Variants in WDR48 observed in about 807,000 individuals in gnomAD.
WDR48 encodes the protein WD repeat domain 48.
Under a neutral mutation model 94.0 loss-of-function variants are expected in WDR48, and 22 were observed. That is an observed-to-expected ratio of 0.23 (90% CI 0.17 to 0.33). The LOEUF (loss-of-function observed/expected upper bound fraction) is 0.33, where lower values mean the gene tolerates loss of function less well. Among genes scored for constraint, WDR48 ranks in the 10% least tolerant of loss-of-function variants. The probability of loss-of-function intolerance (pLI) is 1.00; values close to 1 mark genes in which losing one functional copy is unlikely to be tolerated. For missense variants in WDR48, 541 were observed against 813.8 expected (o/e 0.66, Z 4.08); for synonymous variants, 278 against 280.5 (o/e 0.99, Z 0.09).
intron 1 of WDR48, among the ~76,000 whole-genome samples, chr3:39,055,433 C>T (rs1033746485): frequency 5.9e-5 from 9 of 152,146 alleles, no homozygotes; most frequent in Admixed American, 3.3e-4. Context: ...TGCAGTGGGC[C>T]GAGATTGTAC....
rs149994171 is a variant in WDR48 at position 39,083,262 on chromosome 3, G to A, written c.1174-893G>A. ...TTGATTGGAGGGGTAGGCAGGAAGCGGCGGAAACTAGAGAAGATGTAGGAG... is the reference window on the plus strand; with the variant it reads ...TTGATTGGAGGGGTAGGCAGGAAGCAGCGGAAACTAGAGAAGATGTAGGAG... On this transcript the variant is annotated intron_variant, in intron 11 of 18. Coordinates refer to ENST00000302313, the MANE Select transcript of WDR48 (RefSeq NM_020839.4). Among the ~76,000 whole-genome samples, 17 of 152,294 alleles carry A rather than the reference G, an allele frequency of 1.1e-4. No individual in the cohort carries two copies. In the East Asian group the frequency reaches 1.5e-3, roughly 14 times the overall value.
chr3:39,069,552 A>G (rs1559607321), intron 6 of WDR48, 91 bp from the exon 7 acceptor site: 3 of 1,146,018 alleles, frequency 2.6e-6, no homozygotes. Flanking sequence ...CTCAGAATAT[A>G]ATGGTTATCA....
chr3:39,077,844 A>C (rs551754143), intron 9 of WDR48, among the ~76,000 whole-genome samples: 1 of 152,318 alleles, frequency 6.6e-6, no homozygotes, highest in African/African-American at 2.4e-5. Flanking sequence ...TAAATGTTGT[A>C]TATCTTGTGT....
intron 7 of WDR48, 30 bp from the exon 8 acceptor site, chr3:39,074,696 A>G (rs1339340204): frequency 6.2e-7 from 1 of 1,610,296 alleles, no homozygotes; most frequent in Non-Finnish European, 8.5e-7. Context: ...CTTTGTGGCA[A>G]GTTCTAACTT....
At chr3:39,054,057 C>G (rs577396255) in intron 1 of WDR48, among the ~76,000 whole-genome samples, 9 of 152,274 alleles carry the variant, frequency 5.9e-5, no homozygotes, top group African/African-American at 1.9e-4. Flanking sequence ...AGGGAACTTT[C>G]GGAATTTGTC....
In WDR48 at chr3:39,095,700, T is replaced by C. The variant is rs1412362787; in HGVS notation, c.*957T>C. Reference sequence around the variant, plus strand: ...GATATTCATATCCTGGAAGTATACATATTTGTTTTTCCAAAGTTTTATATG... The same window carrying C: ...GATATTCATATCCTGGAAGTATACACATTTGTTTTTCCAAAGTTTTATATG... On this transcript the variant is annotated 3_prime_UTR_variant, in exon 19 of 19. Coordinates refer to ENST00000302313, the MANE Select transcript of WDR48 (RefSeq NM_020839.4). 1 of 152,468 alleles carries C rather than the reference T, an allele frequency of 6.6e-6. No individual in the cohort carries two copies. The highest frequency in any genetic ancestry group is 2.4e-5 in the African/African-American group (1 of 41,460). 9.4% of individuals were successfully genotyped at this position (152,468 alleles called of 1,614,324 possible).
chr3:39,077,060 A>T, intron 8 of WDR48, 79 bp from the exon 9 acceptor site: 1 of 1,497,290 alleles, frequency 6.7e-7, no homozygotes, highest in Non-Finnish European at 9.3e-7. Context: ...GAAGGAGTTG[A>T]TATTAATAAC....
At chr3:39,075,083 C>A in intron 8 of WDR48, 133 bp downstream of exon 8, 1 of 844,518 alleles carries the variant, frequency 1.2e-6, no homozygotes, top group Non-Finnish European at 1.8e-6. Flanking sequence ...AAAGATATTC[C>A]ATCATGAGCA....
intron 1 of WDR48, among the ~76,000 whole-genome samples, chr3:39,055,859 G>A (rs1460995892): frequency 2.6e-5 from 4 of 151,972 alleles, no homozygotes; most frequent in Non-Finnish European, 4.4e-5. Flanking sequence ...AAAATACTTC[G>A]CTTAACTTGC....
chr3:39,068,623 G>A, intron 5 of WDR48, 148 bp from the exon 6 acceptor site: 2 of 527,380 alleles, frequency 3.8e-6, no homozygotes, highest in Non-Finnish European at 7.0e-6. Context: ...ATACTGTTTA[G>A]ATTTATCTCC....
At chr3:39,055,034 C>T (rs190977649) in intron 1 of WDR48, among the ~76,000 whole-genome samples, 589 of 152,306 alleles carry the variant, frequency 3.9e-3, no homozygotes, top group Non-Finnish European at 6.2e-3. Flanking sequence ...TGCTCTTATA[C>T]ATCAAAAAGA....
At chr3:39,053,298 A>T (rs1167147442) in intron 1 of WDR48, among the ~76,000 whole-genome samples, 1 of 152,212 alleles carries the variant, frequency 6.6e-6, no homozygotes, top group Non-Finnish European at 1.5e-5. Flanking sequence ...AGGTAGTTAG[A>T]TGAAGGGGTC....
Position 39,096,622 on chromosome 3 carries a change from CTG to C in WDR48, c.*1881_*1882del, listed in dbSNP as rs2035352656. 6.6e-6 allele frequency: 1 copy of C among 152,152 alleles called. No individual in the cohort carries two copies. The highest frequency in any genetic ancestry group is 6.5e-5 in the Admixed American group (1 of 15,280). The allele number at this position is 152,152 out of a possible 1,614,324, so 9.4% of individuals were successfully genotyped here. A position where few individuals can be genotyped will look rare whatever the true frequency, so the allele number is the denominator to read the frequency against. Reference sequence around the variant, plus strand: ...TCTGCAATGCCAAAAGGGTAAAAATCTGTATTTCACAGTTGTATAGAATAAAG... The same window carrying C: ...TCTGCAATGCCAAAAGGGTAAAAATCTATTTCACAGTTGTATAGAATAAAG... On this transcript the variant is annotated 3_prime_UTR_variant, in exon 19 of 19. Coordinates refer to ENST00000302313, the MANE Select transcript of WDR48 (RefSeq NM_020839.4).
At chr3:39,090,918 T>G (rs2035044879) in intron 16 of WDR48, 1 of 152,208 alleles carries the variant, frequency 6.6e-6, no homozygotes, top group Non-Finnish European at 1.5e-5. Context: ...AGCCACTAAT[T>G]TCTTTGAGTG....
intron 11 of WDR48, among the ~76,000 whole-genome samples, chr3:39,082,702 G>C (rs752862220): frequency 2.6e-5 from 4 of 152,192 alleles, no homozygotes; most frequent in Non-Finnish European, 5.9e-5. Flanking sequence ...TGAAAAACAG[G>C]TTATCAGGAG....
At chr3:39,076,988 A>G in intron 8 of WDR48, 151 bp from the exon 9 acceptor site, 1 of 773,952 alleles carries the variant, frequency 1.3e-6, no homozygotes, top group Non-Finnish European at 2.1e-6. Flanking sequence ...AGACTCTCTC[A>G]TTTTTCTGTG....
At chr3:39,069,863 A>C (rs1262427480) in intron 7 of WDR48, 119 bp downstream of exon 7, 28 of 742,420 alleles carry the variant, frequency 3.8e-5, no homozygotes, top group Non-Finnish European at 2.0e-6. Flanking sequence ...TGTCTAATTA[A>C]AAAATTTTAA....
intron 1 of WDR48, among the ~76,000 whole-genome samples, chr3:39,054,345 G>A (rs941784643): frequency 1.3e-5 from 2 of 152,074 alleles, no homozygotes; most frequent in African/African-American, 4.8e-5. Flanking sequence ...TGCATCACAG[G>A]TTCTTTGGCA....
In WDR48 at chr3:39,065,762, A is replaced by G. The variant is rs190925543; in HGVS notation, c.190-49A>G. On this transcript the variant is annotated intron_variant, in intron 2 of 18. Coordinates refer to ENST00000302313, the MANE Select transcript of WDR48 (RefSeq NM_020839.4). ...TTTAACCATATCTATCATTTGTAAT[A>G]TATTTCATTCTCTCATATAAACTCT... 77 of 1,344,660 alleles carry G rather than the reference A, an allele frequency of 5.7e-5. No homozygotes were observed. The Admixed American group carries it at 1.1e-3, about 20-fold the overall frequency. The allele number at this position is 1,344,660 out of a possible 1,614,324, so 83.3% of individuals were successfully genotyped here.
Sources: allele counts gnomAD v4.1 joint callset (sites outside exome capture counted in the v4.1 genomes callset), GRCh38; gene constraint gnomAD v4.1.1; transcripts MANE v1.5; gene names NCBI Gene and HGNC (gene_info 2026-07-23, HGNC 2026-07-21).